TTC17: variants seen among roughly 807,000 people sequenced by gnomAD.
The protein encoded by TTC17 is tetratricopeptide repeat protein 17.
In TTC17, 58 loss-of-function variants were observed where a neutral mutation model predicts 143.8. That is an observed-to-expected ratio of 0.40 (90% CI 0.33 to 0.50). The LOEUF (loss-of-function observed/expected upper bound fraction) is 0.50, where lower values mean the gene tolerates loss of function less well. Among genes scored for constraint, TTC17 ranks in the 20% least tolerant of loss-of-function variants. The pLI, the probability that TTC17 is intolerant of heterozygous loss-of-function variation, is 0.49. For missense variants in TTC17, 1,273 were observed against 1,392.5 expected (o/e 0.91, Z 1.37); for synonymous variants, 501 against 497.8 (o/e 1.01, Z -0.09).
chr11:43,432,784 CT>C (rs149623026), intron 16 of TTC17, among the ~76,000 whole-genome samples: 5 of 152,096 alleles, frequency 3.3e-5, no homozygotes, highest in African/African-American at 9.7e-5. Context: ...ACAAAGGCAA[CT>C]TTTTTTAGTT....
chr11:43,489,631 G>A (rs1201922150), intron 21 of TTC17, among the ~76,000 whole-genome samples: 5 of 151,896 alleles, frequency 3.3e-5, no homozygotes, highest in African/African-American at 7.3e-5. Flanking sequence ...CCAGCTACTC[G>A]GGAGGCTGAG....
At chr11:43,476,236 G>A (rs1233271431) in intron 21 of TTC17, among the ~76,000 whole-genome samples, 1 of 152,148 alleles carries the variant, frequency 6.6e-6, no homozygotes, top group Non-Finnish European at 1.5e-5. Flanking sequence ...TACCAAGTCT[G>A]GGAAAGCAAG....
At chr11:43,486,546 A>C in intron 21 of TTC17, 1 of 298,412 alleles carries the variant, frequency 3.4e-6, no homozygotes, top group South Asian at 2.8e-5. Context: ...CAGAGATAGA[A>C]CTATGTTTAA....
intron 20 of TTC17, among the ~76,000 whole-genome samples, 179 bp from the exon 21 acceptor site, chr11:43,451,003 G>A (rs889350230): frequency 2.0e-5 from 3 of 152,166 alleles, no homozygotes; most frequent in East Asian, 1.9e-4. Flanking sequence ...GGAGAGCTGA[G>A]GGGATGATAA....
intron 15 of TTC17, among the ~76,000 whole-genome samples, chr11:43,408,681 A>G (rs902809373): frequency 6.6e-6 from 1 of 152,178 alleles, no homozygotes; most frequent in Non-Finnish European, 1.5e-5. Context: ...GTTAAATACC[A>G]TGGTGCTACA....
In TTC17 at chr11:43,398,128, A is replaced by T. The variant is rs764299323; in HGVS notation, c.1058+15A>T. On this transcript the variant is annotated intron_variant, in intron 8 of 23. Coordinates refer to ENST00000039989, the MANE Select transcript of TTC17 (RefSeq NM_018259.6). Reference sequence around the variant, plus strand: ...GCTCAGCATAGGTAATTGAGAGGAAAAATTTCACTCAAGCATTAGCACTAT... The same window carrying T: ...GCTCAGCATAGGTAATTGAGAGGAATAATTTCACTCAAGCATTAGCACTAT... 18 of 1,613,526 alleles carry T rather than the reference A, an allele frequency of 1.1e-5. No homozygotes were observed. The highest frequency in any genetic ancestry group is 1.4e-5 in the Non-Finnish European group (16 of 1,179,626).
intron 19 of TTC17, 140 bp downstream of exon 19, chr11:43,448,262 A>C: frequency 7.7e-7 from 1 of 1,303,192 alleles, no homozygotes; most frequent in South Asian, 1.5e-5. Context: ...CATGCTGACC[A>C]TGGCCCCCAG....
intron 1 of TTC17, among the ~76,000 whole-genome samples, chr11:43,362,149 T>TG: frequency 7.2e-6 from 1 of 138,150 alleles, no homozygotes; most frequent in East Asian, 2.2e-4. Context: ...CCCGGCTAAT[T>TG]TGTGTGTGTG....
At chr11:43,450,845 T>C (rs1590443314) in intron 20 of TTC17, among the ~76,000 whole-genome samples, 1 of 152,192 alleles carries the variant, frequency 6.6e-6, no homozygotes, top group Non-Finnish European at 1.5e-5. Flanking sequence ...GAAAGACATA[T>C]AAAGGTATTA....
At chr11:43,451,930 G>A (rs1453382048) in intron 21 of TTC17, among the ~76,000 whole-genome samples, 3 of 152,088 alleles carry the variant, frequency 2.0e-5, no homozygotes, top group South Asian at 2.1e-4. Context: ...TTCATCTTCC[G>A]AGTATCGCAC....
chr11:43,396,702 T>G lies in TTC17; in HGVS notation c.664-7T>G. On this transcript the variant is annotated splice_region_variant and splice_polypyrimidine_tract_variant and intron_variant, in intron 5 of 23. Coordinates refer to ENST00000039989, the MANE Select transcript of TTC17 (RefSeq NM_018259.6). ...CGTGTTTGTAATTTTACTTTTTTAA[T>G]CTCTAGAACACTTCCTCGTGGGTAC... 6.6e-7 allele frequency: 1 copy of G among 1,522,500 alleles called. No individual in the cohort carries two copies. Among genetic ancestry groups the G allele is most frequent in the Non-Finnish European group, 8.9e-7 (1 of 1,118,316 alleles). The allele number at this position is 1,522,500 out of a possible 1,614,324, so 94.3% of individuals were successfully genotyped here. A position where few individuals can be genotyped will look rare whatever the true frequency, so the allele number is the denominator to read the frequency against.
At chr11:43,377,997 G>A (rs1408155699) in intron 1 of TTC17, among the ~76,000 whole-genome samples, 9 of 151,994 alleles carry the variant, frequency 5.9e-5, no homozygotes, top group African/African-American at 1.2e-4. Context: ...TCTACCTCCC[G>A]GGTTCAAGCA....
At chr11:43,377,960 T>C (rs1013274779) in intron 1 of TTC17, among the ~76,000 whole-genome samples, 1 of 152,134 alleles carries the variant, frequency 6.6e-6, no homozygotes, top group Non-Finnish European at 1.5e-5. Flanking sequence ...CTGAAGTGCG[T>C]TGGCGCAATC....
At chr11:43,359,227 A>C in intron 1 of TTC17, 114 bp downstream of exon 1, 3 of 1,330,606 alleles carry the variant, frequency 2.3e-6, no homozygotes, top group Non-Finnish European at 3.0e-6. Context: ...CTACCCTCAC[A>C]GGGAGGTGGC....
intron 21 of TTC17, among the ~76,000 whole-genome samples, chr11:43,461,147 G>A (rs1475868094): frequency 1.3e-5 from 2 of 152,166 alleles, no homozygotes; most frequent in African/African-American, 4.8e-5. Flanking sequence ...CACTTTGGGA[G>A]GCCGAGGCGG....
At chr11:43,488,639 T>C (rs945475772) in intron 21 of TTC17, among the ~76,000 whole-genome samples, 1 of 152,230 alleles carries the variant, frequency 6.6e-6, no homozygotes, top group East Asian at 1.9e-4. Flanking sequence ...GGATCAAATA[T>C]TTAAATGTAA....
intron 23 of TTC17, among the ~76,000 whole-genome samples, chr11:43,492,529 C>T (rs562655776): frequency 3.9e-5 from 6 of 152,182 alleles, no homozygotes; most frequent in Non-Finnish European, 7.3e-5. Flanking sequence ...TACCTGTCAT[C>T]GCACTCATGA....
Position 43,358,934 on chromosome 11 carries a change from C to A in TTC17, c.-21C>A, listed in dbSNP as rs781139931. 1.0e-5 allele frequency: 16 copies of A among 1,557,784 alleles called. No homozygotes were observed. The East Asian group carries it at 1.8e-4, about 17-fold the overall frequency. On this transcript the variant is annotated 5_prime_UTR_variant, in exon 1 of 24. Transcript: ENST00000039989. ...GACTAGCTTCCGCTTCCGGTGTGAG[C>A]GGCCCGGCCGGGGGGGCAAGATGGC...
At chr11:43,431,454 T>C (rs1947157164) in intron 16 of TTC17, among the ~76,000 whole-genome samples, 1 of 152,214 alleles carries the variant, frequency 6.6e-6, no homozygotes, top group African/African-American at 2.4e-5. Context: ...GACTTTTTAA[T>C]GATTGCCATT....
Sources: allele counts gnomAD v4.1 joint callset (sites outside exome capture counted in the v4.1 genomes callset), GRCh38; gene constraint gnomAD v4.1.1; transcripts MANE v1.5; gene names NCBI Gene and HGNC (gene_info 2026-07-23, HGNC 2026-07-21).